Variants in SLC6A11 observed in about 807,000 individuals in gnomAD.
SLC6A11 encodes solute carrier family 6 member 11.
SLC6A11 carries 25 observed loss-of-function variants against 74.8 expected under a neutral mutation model. The observed-to-expected ratio is 0.33, with a 90% CI of 0.24 to 0.47. The LOEUF (loss-of-function observed/expected upper bound fraction) is 0.47. Among genes scored for constraint, SLC6A11 ranks in the 20% least tolerant of loss-of-function variants. SLC6A11 has a pLI of 1.00. For synonymous variants in SLC6A11, 330 were observed against 330.2 expected, an observed-to-expected ratio of 1.00 and a Z score of 0.01; for missense variants, 574 against 837.0, an observed-to-expected ratio of 0.69 and a Z score of 3.88.
Position 10,844,345 on chromosome 3 carries a change from A to G in SLC6A11, c.755A>G (p.Lys252Arg). The change falls in exon 5 of 14, where the codon AAG (lysine) becomes AGG (arginine). Residue 252 changes from lysine (K) to arginine (R), a missense_variant and splice_region_variant. This residue lies in a region of SLC6A11 where 215 missense variants were observed against 357.9 expected (regional missense o/e 0.60). Coordinates refer to ENST00000254488, the MANE Select transcript of SLC6A11 (RefSeq NM_014229.3). Reference protein sequence around the residue: ...CIWKGTKSTGKVVYVTATFPY... With the variant: ...CIWKGTKSTGRVVYVTATFPY... ...TGGAAGGGGACCAAGTCTACAGGAA[A>G]GGTAAGAGGTCGATCTTCAAGCAGC... 6.2e-7 allele frequency: 1 copy of G among 1,614,154 alleles called. No homozygotes were observed. Among genetic ancestry groups the G allele is most frequent in the Non-Finnish European group, 8.5e-7 (1 of 1,180,014 alleles).
At chr3:10,925,739 G>A (rs897353882) in intron 8 of SLC6A11, among the ~76,000 whole-genome samples, 1 of 152,160 alleles carries the variant, frequency 6.6e-6, no homozygotes, top group Non-Finnish European at 1.5e-5. Context: ...CCAGAGGAAG[G>A]TCCATGGATC....
chr3:10,911,942 G>A, intron 6 of SLC6A11, 148 bp from the exon 7 acceptor site: 1 of 657,048 alleles, frequency 1.5e-6, no homozygotes, highest in South Asian at 1.8e-5. Context: ...CTTTTAAAGG[G>A]GGTCCTGGGT....
chr3:10,838,791 C>G (rs1340321221), intron 4 of SLC6A11, among the ~76,000 whole-genome samples: 2 of 152,074 alleles, frequency 1.3e-5, no homozygotes, highest in African/African-American at 4.8e-5. Flanking sequence ...GCTTCACCTC[C>G]CTGAGCTTCC....
chr3:10,816,295 C>A lies in SLC6A11; in HGVS notation c.30C>A (p.Gly10=). Residue 10 remains glycine (G), a synonymous_variant, in exon 1 of 14, where the codon GGC becomes GGA. Coordinates refer to ENST00000254488, the MANE Select transcript of SLC6A11 (RefSeq NM_014229.3). The surrounding 1 kb of genome is among the most constrained non-coding windows in gnomAD (Gnocchi z 4.2). MTAEKALPL[G]NGKAAEEARE... ...CGGCGGAGAAGGCGCTGCCCCTGGG[C>A]AATGGGAAGGCTGCTGAGGAGGCGC... 5.7e-6 allele frequency: 8 copies of A among 1,392,578 alleles called. No homozygotes were observed. Among genetic ancestry groups the A allele is most frequent in the Non-Finnish European group, 7.4e-6 (8 of 1,074,468 alleles). 86.3% of individuals were successfully genotyped at this position (1,392,578 alleles called of 1,614,324 possible).
intron 6 of SLC6A11, among the ~76,000 whole-genome samples, chr3:10,881,085 C>T (rs974769949): frequency 4.6e-5 from 7 of 152,118 alleles, no homozygotes; most frequent in African/African-American, 1.2e-4. Context: ...AGCCTGTGAA[C>T]GACTTGTGCC....
At chr3:10,860,067 C>T (rs1222668554) in intron 5 of SLC6A11, among the ~76,000 whole-genome samples, 1 of 152,156 alleles carries the variant, frequency 6.6e-6, no homozygotes, top group Admixed American at 6.5e-5. Flanking sequence ...TTGGCTGTTT[C>T]TTTGCAAGAA....
chr3:10,830,315 A>G (rs2106576936), intron 4 of SLC6A11, among the ~76,000 whole-genome samples: 1 of 152,326 alleles, frequency 6.6e-6, no homozygotes, highest in Admixed American at 6.5e-5. Context: ...TGCAGCTTAT[A>G]GATTTTACCC....
intron 5 of SLC6A11, among the ~76,000 whole-genome samples, chr3:10,872,248 C>G (rs1337204217): frequency 6.6e-6 from 1 of 152,192 alleles, no homozygotes; most frequent in African/African-American, 2.4e-5. Context: ...AGTAACTTCT[C>G]TGGCCTTTGT....
chr3:10,879,011 T>A (rs1005765549), intron 6 of SLC6A11, among the ~76,000 whole-genome samples: 24 of 152,144 alleles, frequency 1.6e-4, no homozygotes, highest in African/African-American at 5.1e-4. Flanking sequence ...GGGAGCAAGG[T>A]CTGTATCTGC....
intron 6 of SLC6A11, among the ~76,000 whole-genome samples, chr3:10,901,051 C>CA (rs1276391917): frequency 6.6e-6 from 1 of 152,148 alleles, no homozygotes; most frequent in African/African-American, 2.4e-5. Context: ...ATGAATTATC[C>CA]AAAATGTCAA....
chr3:10,840,598 C>T (rs1407869469), intron 4 of SLC6A11, among the ~76,000 whole-genome samples: 1 of 152,224 alleles, frequency 6.6e-6, no homozygotes, highest in Non-Finnish European at 1.5e-5. Context: ...CCGTACAATC[C>T]TCTCTCCTAG....
At chr3:10,906,867 A>T (rs1695309361) in intron 6 of SLC6A11, among the ~76,000 whole-genome samples, 1 of 152,224 alleles carries the variant, frequency 6.6e-6, no homozygotes, top group South Asian at 2.1e-4. Context: ...ATAAAAGAAT[A>T]AGGAAAGTTC....
chr3:10,848,684 G>T (rs1694536297), intron 5 of SLC6A11, among the ~76,000 whole-genome samples: 1 of 152,318 alleles, frequency 6.6e-6, no homozygotes, highest in East Asian at 1.9e-4. Context: ...TCTCCGCAGA[G>T]CATGCGACCT....
chr3:10,889,748 A>C (rs1278618063), intron 6 of SLC6A11, among the ~76,000 whole-genome samples: 1 of 152,190 alleles, frequency 6.6e-6, no homozygotes, highest in Non-Finnish European at 1.5e-5. Flanking sequence ...CACTGGTCTA[A>C]GAGAGCACTG....
intron 6 of SLC6A11, among the ~76,000 whole-genome samples, chr3:10,903,247 T>C (rs1376939723): frequency 6.6e-6 from 1 of 152,216 alleles, no homozygotes; most frequent in South Asian, 2.1e-4. Flanking sequence ...TCTGTTCTGA[T>C]TGGAGGCTCT....
intron 6 of SLC6A11, among the ~76,000 whole-genome samples, chr3:10,889,703 C>A (rs1050699620): frequency 6.6e-6 from 1 of 152,190 alleles, no homozygotes; most frequent in Non-Finnish European, 1.5e-5. Context: ...TAGCAACACC[C>A]CTGGTGGTTT....
At chr3:10,885,969 A>G (rs1695037622) in intron 6 of SLC6A11, among the ~76,000 whole-genome samples, 1 of 152,064 alleles carries the variant, frequency 6.6e-6, no homozygotes, top group African/African-American at 2.4e-5. Flanking sequence ...TGTGGATTCC[A>G]GCTGTTCCCA....
intron 4 of SLC6A11, among the ~76,000 whole-genome samples, chr3:10,840,084 G>A (rs1012457718): frequency 3.2e-4 from 49 of 152,122 alleles, no homozygotes; most frequent in Non-Finnish European, 4.7e-4. Context: ...ATCTGATGGG[G>A]ACTCACCACT....
rs914894633 is a variant in SLC6A11 at position 10,915,572 on chromosome 3, G to A, written c.996-2757G>A. Among the ~76,000 whole-genome samples, 2 of 152,130 alleles carry A rather than the reference G, an allele frequency of 1.3e-5. No individual in the cohort carries two copies. The highest frequency in any genetic ancestry group is 2.9e-5 in the Non-Finnish European group (2 of 68,024). On this transcript the variant is annotated intron_variant, in intron 7 of 13. Coordinates refer to ENST00000254488, the MANE Select transcript of SLC6A11 (RefSeq NM_014229.3). This position sits in a 1 kb window ranked among gnomAD's most constrained non-coding sequence, Gnocchi z 4.3. ...ACATAAGCGTTTTACCTAGACGTGG[G>A]AGCTGGGGAAGGAATTAGAGGGATG...
Sources: gnomAD v4.1 joint callset for allele counts (sites outside exome capture counted in the v4.1 genomes callset) on GRCh38, gnomAD v4.1.1 for gene constraint, gnomAD v4.1.1 regional missense constraint, Gnocchi (gnomAD v3.1) non-coding constraint, MANE v1.5 for transcripts, NCBI Gene and HGNC (gene_info 2026-07-23, HGNC 2026-07-21) for gene names.